TMEM114: variants seen among roughly 807,000 people sequenced by gnomAD.
The protein encoded by TMEM114 is claudin-26.
TMEM114 carries 6 observed loss-of-function variants against 6.2 expected under a neutral mutation model. The ratio of observed to expected loss-of-function variants is 0.97; its 90% confidence interval spans 0.53 to 1.91. TMEM114 has a LOEUF of 1.91. Ranked by LOEUF, TMEM114 falls within the 40% of genes most tolerant of loss-of-function variation. TMEM114 has a pLI of 0.01. For missense variants in TMEM114, 218 were observed against 158.3 expected (o/e 1.38, Z -2.02); for synonymous variants, 104 against 73.0 (o/e 1.42, Z -2.16).
chr16:8,563,649 GTGAA>G (rs1901378004), intron 2 of TMEM114, among the ~76,000 whole-genome samples: 5 of 151,390 alleles, frequency 3.3e-5, no homozygotes, highest in African/African-American at 1.2e-4. Flanking sequence ...AAATGAGTGA[GTGAA>G]TGAGTGAGCG....
intron 2 of TMEM114, among the ~76,000 whole-genome samples, chr16:8,556,351 G>T (rs72776596): frequency 0.029 from 4,477 of 152,222 alleles, 85 homozygotes; most frequent in Non-Finnish European, 0.051. Context: ...TCCCCACTGG[G>T]TTTCCTTTTG....
intron 2 of TMEM114, among the ~76,000 whole-genome samples, chr16:8,578,136 G>A (rs1384992912): frequency 1.3e-5 from 2 of 152,140 alleles, no homozygotes; most frequent in Non-Finnish European, 2.9e-5. Flanking sequence ...GTGGGCAGTG[G>A]CGGTGGGGGG....
chr16:8,547,887 G>C (rs1900722429), intron 2 of TMEM114, among the ~76,000 whole-genome samples: 1 of 152,120 alleles, frequency 6.6e-6, no homozygotes, highest in South Asian at 2.1e-4. Context: ...TGCTGGGCTT[G>C]GGAGGCCCAT....
chr16:8,569,605 T>A lies in TMEM114; in HGVS notation c.*168A>T. The stretch of plus-strand genomic sequence containing the variant: ...GGACATAAGCACACAGGTACTAGGA[T>A]AACAGCCAGGCCCCAAGCTTAGTCC... On this transcript the variant is annotated 3_prime_UTR_variant, in exon 4 of 4. Coordinates refer to ENST00000620492, the MANE Select transcript of TMEM114 (RefSeq NM_001146336.2). The A allele has an allele frequency of 7.0e-7, 1 of 1,432,538 alleles. No homozygotes were observed. 88.7% of individuals were successfully genotyped at this position (1,432,538 alleles called of 1,614,324 possible).
downstream of TMEM114, among the ~76,000 whole-genome samples, chr16:8,568,552 T>C (rs1027265608): frequency 2.6e-5 from 4 of 152,204 alleles, no homozygotes; most frequent in Non-Finnish European, 4.4e-5. Context: ...GCTATGATGA[T>C]GACAGTGTTG....
intron 2 of TMEM114, among the ~76,000 whole-genome samples, chr16:8,553,544 G>C (rs1472385262): frequency 1.3e-5 from 2 of 152,084 alleles, no homozygotes; most frequent in Non-Finnish European, 2.9e-5. Flanking sequence ...GGAGTGCAGT[G>C]GCACGATCTC....
At chr16:8,570,107 T>C in intron 3 of TMEM114, 102 bp from the exon 4 acceptor site, 6 of 1,421,072 alleles carry the variant, frequency 4.2e-6, no homozygotes, top group Admixed American at 2.3e-5. Flanking sequence ...GCGTCCAGCG[T>C]CCTCGCTCCT....
chr16:8,581,161 G>A (rs1902135383), intron 2 of TMEM114, among the ~76,000 whole-genome samples: 2 of 152,170 alleles, frequency 1.3e-5, no homozygotes, highest in East Asian at 1.9e-4. Flanking sequence ...GAGTTTCTTT[G>A]AGGGGGGATA....
At chr16:8,576,000 C>T (rs552451588) in intron 2 of TMEM114, among the ~76,000 whole-genome samples, 1 of 152,212 alleles carries the variant, frequency 6.6e-6, no homozygotes, top group East Asian at 1.9e-4. Flanking sequence ...ACTGGCATGG[C>T]GCTCATAGCT....
intron 2 of TMEM114, among the ~76,000 whole-genome samples, chr16:8,553,549 G>C (rs1028413495): frequency 6.6e-6 from 1 of 151,736 alleles, no homozygotes; most frequent in Non-Finnish European, 1.5e-5. Flanking sequence ...GCAGTGGCAC[G>C]ATCTCGACTC....
At chr16:8,529,530 C>G in the TMEM114 span, among the ~76,000 whole-genome samples, 12 of 152,136 alleles carry the variant, frequency 7.9e-5, no homozygotes, top group African/African-American at 2.9e-4. Flanking sequence ...TCAGTGTCAT[C>G]TGGGTTGTTT....
chr16:8,552,706 GA>G (rs113312584), intron 2 of TMEM114, among the ~76,000 whole-genome samples: 8,415 of 137,658 alleles, frequency 0.061, 710 homozygotes, highest in African/African-American at 0.2. Flanking sequence ...AAATAAATAG[GA>G]AAAAAAAAAA....
At chr16:8,566,344 C>A (rs566928763), downstream of TMEM114, among the ~76,000 whole-genome samples, 1 of 145,762 alleles carries the variant, frequency 6.9e-6, no homozygotes, top group Admixed American at 7.0e-5. Context: ...GCCATTGCAC[C>A]CCAGCCTGGG....
At chr16:8,583,641 G>A (rs149983622) in intron 2 of TMEM114, among the ~76,000 whole-genome samples, 3,743 of 152,140 alleles carry the variant, frequency 0.025, 63 homozygotes, top group Non-Finnish European at 0.042. Context: ...CCAGCTACTT[G>A]GGAGGCTGAG....
intron 2 of TMEM114, among the ~76,000 whole-genome samples, chr16:8,563,231 GAGTGAGTGAATGAGTC>G (rs1901346216): frequency 1.3e-5 from 2 of 151,886 alleles, no homozygotes; most frequent in South Asian, 4.1e-4. Flanking sequence ...GTAAGTGAAT[GAGTGAGTGAATGAGTC>G]AGTGAGTGAA....
chr16:8,586,578 C>T (rs901344026), intron 2 of TMEM114, among the ~76,000 whole-genome samples: 3 of 151,676 alleles, frequency 2.0e-5, no homozygotes, highest in Non-Finnish European at 2.9e-5. Flanking sequence ...GGTGCAATCT[C>T]AGCTCACTGC....
downstream of TMEM114, among the ~76,000 whole-genome samples, chr16:8,535,070 G>A (rs550435933): frequency 1.7e-4 from 26 of 152,260 alleles, no homozygotes; most frequent in Non-Finnish European, 3.7e-4. Flanking sequence ...TGGTGGTGGA[G>A]GGGTGTGAGT....
At chr16:8,586,056 T>G (rs1902309613) in intron 2 of TMEM114, among the ~76,000 whole-genome samples, 1 of 152,176 alleles carries the variant, frequency 6.6e-6, no homozygotes, top group African/African-American at 2.4e-5. Context: ...GCCAGCCCAG[T>G]GCCTATTGTG....
chr16:8,536,927 G>A (rs929472290), downstream of TMEM114, among the ~76,000 whole-genome samples: 2 of 152,096 alleles, frequency 1.3e-5, no homozygotes, highest in Non-Finnish European at 2.9e-5. Flanking sequence ...AAACATACAG[G>A]CCAGGTGCAG....
Sources: gnomAD v4.1 joint callset for allele counts (sites outside exome capture counted in the v4.1 genomes callset) on GRCh38, gnomAD v4.1.1 for gene constraint, MANE v1.5 for transcripts, NCBI Gene and HGNC (gene_info 2026-07-23, HGNC 2026-07-21) for gene names.